The following LILRA5 variants were observed in gnomAD, a reference collection of about 807,000 sequenced individuals.
The protein encoded by LILRA5 is leukocyte immunoglobulin like receptor A5.
In LILRA5, 31 loss-of-function variants were observed where a neutral mutation model predicts 36.3. The observed-to-expected ratio is 0.85, with a 90% CI of 0.64 to 1.15. The LOEUF (loss-of-function observed/expected upper bound fraction) is 1.15. LILRA5 is among the 50% of genes most tolerant of loss of function. The pLI, the probability that LILRA5 is intolerant of heterozygous loss-of-function variation, is 0.00. For synonymous variants in LILRA5, 144 were observed against 144.8 expected (o/e 0.99, Z 0.04); for missense variants, 348 against 377.4 (o/e 0.92, Z 0.64).
Position 54,311,812 on chromosome 19 carries a change from C to T in LILRA5, c.409+52G>A, listed in dbSNP as rs377163813. On this transcript the variant is annotated intron_variant, in intron 4 of 6. Coordinates refer to ENST00000432233, the MANE Select transcript of LILRA5 (RefSeq NM_021250.4). ...AAAGGGAGACACCCCTGAGAGCCGA[C>T]CCCCTTCCTGAGGGCAGAGCCTGGA... The T allele has an allele frequency of 1.1e-5, 18 of 1,613,426 alleles. No individual in the cohort carries two copies. The Admixed American group carries it at 3.0e-4, about 27-fold the overall frequency.
intron 1 of LILRA5, 92 bp from the exon 2 acceptor site, chr19:54,312,713 G>A: frequency 7.9e-7 from 1 of 1,260,542 alleles, no homozygotes; most frequent in Non-Finnish European, 1.1e-6. Context: ...CACAGAAAGG[G>A]GAACTGCTCT....
rs148674397 is a variant in LILRA5 at position 54,313,016 on chromosome 19, C to T, written c.3+1G>A. ...TGAGCTCAGCGTTGCGGGGTCCTTA[C>T]CATGGTCAGTGATTTTTCAGCCCTG... On this transcript the variant is annotated splice_donor_variant, in intron 1 of 6. Transcript: ENST00000432233. LOFTEE classifies it high-confidence loss of function. 59 of 1,614,060 alleles carry T rather than the reference C, an allele frequency of 3.7e-5. No homozygotes were observed. Among genetic ancestry groups the T allele is most frequent in the Middle Eastern group, 3.3e-4 (2 of 6,060 alleles).
chr19:54,310,935 T>C (rs2080996837), intron 5 of LILRA5: 2 of 233,380 alleles, frequency 8.6e-6, no homozygotes, highest in South Asian at 9.9e-5. Flanking sequence ...TTCTGGAGTC[T>C]CCCTTGCTCT....
In LILRA5 at chr19:54,311,919, G is replaced by A. The variant is rs2147855640; in HGVS notation, c.354C>T (p.Tyr118=). ...EHHAGRYRCY[Y]YSPAGWSEPS... ...GCTCTGACCAGCCTGCAGGGCTGTA[G>A]TAGTAACAGCGGTATCTCCCTGCAT... Residue 118 remains tyrosine (Y), a synonymous_variant, in exon 4 of 7, where the codon TAC becomes TAT. Coordinates refer to ENST00000432233, the MANE Select transcript of LILRA5 (RefSeq NM_021250.4). The A allele has an allele frequency of 4.3e-6, 7 of 1,614,200 alleles. No individual in the cohort carries two copies. In the South Asian group the frequency reaches 4.4e-5, roughly 10 times the overall value.
Position 54,307,862 on chromosome 19 carries a change from A to G in LILRA5, c.713-114T>C, listed in dbSNP as rs149657736. 7.0e-5 allele frequency: 59 copies of G among 840,716 alleles called. No homozygotes were observed. The African/African-American group carries it at 7.7e-4, about 11-fold the overall frequency. 52.1% of individuals were successfully genotyped at this position (840,716 alleles called of 1,614,324 possible). ...CCCTGTGCCTCTCAACATGACTTTT[A>G]TGGAGTTCCTCCATAAACCCTCCCT... is the stretch of plus-strand genomic sequence containing the variant. On this transcript the variant is annotated intron_variant, in intron 5 of 6. Coordinates refer to ENST00000432233, the MANE Select transcript of LILRA5 (RefSeq NM_021250.4).
chr19:54,308,296 T>A (rs1317972261), intron 5 of LILRA5: 1 of 150,588 alleles, frequency 6.6e-6, no homozygotes, highest in African/African-American at 2.6e-5. Flanking sequence ...GTCATATATA[T>A]ATACGTATGT....
In LILRA5 at chr19:54,312,268, C is replaced by A. The variant is rs1461700531; in HGVS notation, c.124+67G>T. ...CCAGAACTGCGGTCTTCACCCCCAGCTGCCCATGGGTGGCCCTTTGTCCCC... is the reference window on the plus strand; with the variant it reads ...CCAGAACTGCGGTCTTCACCCCCAGATGCCCATGGGTGGCCCTTTGTCCCC... On this transcript the variant is annotated intron_variant, in intron 3 of 6. Transcript: ENST00000432233. The A allele has an allele frequency of 8.7e-6, 14 of 1,613,772 alleles. No homozygotes were observed. In the African/African-American group the frequency reaches 1.3e-4, roughly 15 times the overall value.
intron 5 of LILRA5, chr19:54,308,362 T>A (rs1292846826): frequency 0.013 from 127 of 9,526 alleles, 1 homozygote; most frequent in Non-Finnish European, 0.021. Context: ...TAAATATATA[T>A]ATATATATAT....
chr19:54,312,679 C>T (rs2081049160), intron 1 of LILRA5, 58 bp from the exon 2 acceptor site: 2 of 1,528,788 alleles, frequency 1.3e-6, no homozygotes, highest in African/African-American at 1.4e-5. Context: ...TCCTTCTTGT[C>T]ATAGGATTTT....
chr19:54,308,448 G>T (rs2080942474), intron 5 of LILRA5: 1 of 142,382 alleles, frequency 7.0e-6, no homozygotes, highest in East Asian at 2.2e-4. Flanking sequence ...TGCTTTTAGG[G>T]CCAGGCGTGG....
rs960313763 is a variant in LILRA5, at chr19:54,312,023, G to T, written c.250C>A (p.Pro84Thr). ...QEYRLVKEGSPEPWDTQNPLE... is the reference protein window; with the variant it reads ...QEYRLVKEGSTEPWDTQNPLE... ...GGGTTCTGTGTGTCCCAGGGTTCTG[G>T]GCTTCCCTCTTTAACCAGACGGTAT... The change falls in exon 4 of 7, where the codon CCA becomes ACA. Residue 84 changes from proline to threonine, a missense_variant. Transcript: ENST00000432233. 6.2e-7 allele frequency: 1 copy of T among 1,614,046 alleles called. No homozygotes were observed. Among genetic ancestry groups the T allele is most frequent in the East Asian group, 2.2e-5 (1 of 44,890 alleles).
At chr19:54,312,401 CT>C in intron 2 of LILRA5, 31 bp from the exon 3 acceptor site, 1 of 1,614,222 alleles carries the variant, frequency 6.2e-7, no homozygotes, top group Non-Finnish European at 8.5e-7. Flanking sequence ...AGAGATTTGC[CT>C]CTGAAGCCTG....
chr19:54,310,685 CA>C, intron 5 of LILRA5: 1 of 312,860 alleles, frequency 3.2e-6, no homozygotes, highest in South Asian at 2.6e-5. Flanking sequence ...CTTCCAAGCT[CA>C]GGGGGAAGTC....
chr19:54,308,849 AT>A, intron 5 of LILRA5: 1 of 152,312 alleles, frequency 6.6e-6, no homozygotes, highest in South Asian at 2.1e-4. Context: ...CGTATAAAAA[AT>A]ATATGCAGAT....
At position 54,312,324 on chromosome 19, in the gene LILRA5, G is replaced by A. The variant is rs373266211; in HGVS notation, c.124+11C>T. On this transcript the variant is annotated intron_variant, in intron 3 of 6. Transcript: ENST00000432233. ...GGAGGAGGGACCTGGGACAGCTGGG[G>A]ACAGACTCACCTGCCTGCACGTGGG... 122 of 1,614,096 alleles carry A rather than the reference G, an allele frequency of 7.6e-5. No homozygotes were observed. The highest frequency in any genetic ancestry group is 9.9e-5 in the Non-Finnish European group (117 of 1,180,036).
In LILRA5 at chr19:54,307,181, T is replaced by C. The variant is rs1226690046; in HGVS notation, c.*232A>G. On this transcript the variant is annotated 3_prime_UTR_variant, in exon 7 of 7. Coordinates refer to ENST00000432233, the MANE Select transcript of LILRA5 (RefSeq NM_021250.4). ...ATCACTTGAACCCGAGAGGCGGAGG[T>C]TGCAGTGAGCCCAGATTGCGCCACT... is the stretch of plus-strand genomic sequence containing the variant. 4 of 305,960 alleles carry C rather than the reference T, an allele frequency of 1.3e-5. No homozygotes were observed. The allele number at this position is 305,960 out of a possible 1,614,324, so 19.0% of individuals were successfully genotyped here. A position where few individuals can be genotyped will look rare whatever the true frequency, so the allele number is the denominator to read the frequency against.
Position 54,311,272 on chromosome 19 carries a change from C to T in LILRA5, c.712+142G>A, listed in dbSNP as rs2147853551. On this transcript the variant is annotated intron_variant, in intron 5 of 6. Transcript: ENST00000432233. ...TGCCCAGCCCTTGCTTTGTTTTCCT[C>T]ACCCTGAATTTGTGTCCCTAGGATT... is the stretch of plus-strand genomic sequence containing the variant. The T allele has an allele frequency of 3.2e-6, 5 of 1,575,460 alleles. No individual in the cohort carries two copies. The South Asian group carries it at 5.8e-5, about 18-fold the overall frequency.
In LILRA5 at chr19:54,312,081, G is replaced by T. The variant is rs2081032751; in HGVS notation, c.192C>A (p.Thr64=). 6.2e-7 allele frequency: 1 copy of T among 1,614,018 alleles called. No individual in the cohort carries two copies. Among genetic ancestry groups the T allele is most frequent in the Admixed American group, 1.7e-5 (1 of 59,992 alleles). ...CCTCCAGGGTCCCCTGACACCGGAT[G>T]GTCACAGAGTTCCCCCGGCTGATCA... ...GSVISRGNSV[T]IRCQGTLEAQ... is the part of the protein sequence containing the mutation. Residue 64 remains threonine (T), a synonymous_variant, in exon 4 of 7, where the codon ACC becomes ACA. Transcript: ENST00000432233.
Position 54,312,626 on chromosome 19 carries a change from C to T in LILRA5, c.4-5G>A, listed in dbSNP as rs754046403. 3 of 1,613,850 alleles carry T rather than the reference C, an allele frequency of 1.9e-6. No homozygotes were observed. The highest frequency in any genetic ancestry group is 2.7e-5 in the African/African-American group (2 of 74,924). Reference sequence around the variant, plus strand: ...AGATGGATGAGACCATGGTGCCTGGCAGGACAGAGAGACACACAGGGTGTG... The same window carrying T: ...AGATGGATGAGACCATGGTGCCTGGTAGGACAGAGAGACACACAGGGTGTG... On this transcript the variant is annotated splice_region_variant and splice_polypyrimidine_tract_variant and intron_variant, in intron 1 of 6. Transcript: ENST00000432233.
Sources: gnomAD v4.1 joint callset for allele counts on GRCh38, gnomAD v4.1.1 for gene constraint, MANE v1.5 for transcripts, NCBI Gene and HGNC (gene_info 2026-07-23, HGNC 2026-07-21) for gene names.